EIF3B: variants seen among roughly 807,000 people sequenced by gnomAD.
EIF3B encodes the protein eukaryotic translation initiation factor 3 subunit B.
In EIF3B, 10 loss-of-function variants were observed where a neutral mutation model predicts 104.6. That is an observed-to-expected ratio of 0.10 (90% confidence interval 0.06 to 0.16). The LOEUF (loss-of-function observed/expected upper bound fraction) is 0.16, where lower values mean the gene tolerates loss of function less well. EIF3B is among the 10% of genes least tolerant of loss of function. EIF3B has a pLI of 1.00. For synonymous variants in EIF3B, 542 were observed against 417.2 expected (o/e 1.30, Z -3.65); for missense variants, 1,014 against 1,087.9 (o/e 0.93, Z 0.96).
At chr7:2,362,180 G>A (rs1462801512) in intron 2 of EIF3B, among the ~76,000 whole-genome samples, 2 of 151,834 alleles carry the variant, frequency 1.3e-5, no homozygotes, top group African/African-American at 4.8e-5. Flanking sequence ...GGCTGGTCTC[G>A]AACTCCTGAC....
At chr7:2,358,176 C>T (rs1410775999) in intron 1 of EIF3B, among the ~76,000 whole-genome samples, 1 of 152,156 alleles carries the variant, frequency 6.6e-6, no homozygotes, top group Admixed American at 6.5e-5. Flanking sequence ...CTCTGCCTCC[C>T]CGCTTCAAGC....
rs1303353009 is a variant in EIF3B, at chr7:2,354,892, G to A, written c.-30G>A. 5.9e-5 allele frequency: 69 copies of A among 1,168,252 alleles called. No individual in the cohort carries two copies. The highest frequency in any genetic ancestry group is 7.1e-5 in the Non-Finnish European group (67 of 948,048). The allele number at this position is 1,168,252 out of a possible 1,614,324, so 72.4% of individuals were successfully genotyped here. ...GGAGAGTCGGAAGCGCGGCGGCCGC[G>A]GAGCCCTGCGAGTAGGCAGCGTTGG... On this transcript the variant is annotated 5_prime_UTR_variant, in exon 1 of 19. Coordinates refer to ENST00000360876, the MANE Select transcript of EIF3B (RefSeq NM_001037283.2).
At chr7:2,375,552 T>A in intron 14 of EIF3B, 25 bp downstream of exon 14, 5 of 1,613,804 alleles carry the variant, frequency 3.1e-6, no homozygotes, top group Non-Finnish European at 4.2e-6. Context: ...GGCATAGTTT[T>A]GACTGTGGAT....
At chr7:2,378,896 C>A (rs1483860878) in intron 16 of EIF3B, 130 bp downstream of exon 16, 2 of 888,916 alleles carry the variant, frequency 2.2e-6, no homozygotes, top group South Asian at 1.6e-5. Context: ...CTGTTCCCCC[C>A]CAGGAGGGAT....
At chr7:2,363,444 G>T (rs1779847411) in intron 4 of EIF3B, among the ~76,000 whole-genome samples, 188 bp from the exon 5 acceptor site, 1 of 152,106 alleles carries the variant, frequency 6.6e-6, no homozygotes, top group South Asian at 2.1e-4. Context: ...CTGGACTCCA[G>T]CCTGGGCAAC....
chr7:2,375,137 A>C, intron 13 of EIF3B: 1 of 507,540 alleles, frequency 2.0e-6, no homozygotes, highest in Non-Finnish European at 3.5e-6. Flanking sequence ...GTATTTTTGG[A>C]GGCTTACTTA....
chr7:2,378,429 C>G (rs1473509335), intron 15 of EIF3B: 1 of 262,256 alleles, frequency 3.8e-6, no homozygotes, highest in Admixed American at 6.3e-5. Flanking sequence ...GAGGAAGGAG[C>G]AGGCGCGAGC....
At chr7:2,379,333 G>T in intron 17 of EIF3B, 61 bp from the exon 18 acceptor site, 1 of 1,553,418 alleles carries the variant, frequency 6.4e-7, no homozygotes, top group Non-Finnish European at 8.8e-7. Context: ...CTTCCCACTG[G>T]CCTCGGCGGT....
chr7:2,374,858 CG>C, intron 13 of EIF3B: 2 of 393,354 alleles, frequency 5.1e-6, no homozygotes, highest in Non-Finnish European at 9.1e-6. Context: ...GACCTGTCTG[CG>C]GGTTGTGGTT....
At chr7:2,357,824 C>T (rs1229887796) in intron 1 of EIF3B, among the ~76,000 whole-genome samples, 1 of 152,156 alleles carries the variant, frequency 6.6e-6, no homozygotes, top group Non-Finnish European at 1.5e-5. Context: ...CTAGACTAGA[C>T]GCTTTGAGCT....
intron 2 of EIF3B, among the ~76,000 whole-genome samples, chr7:2,361,943 G>T (rs2115291257): frequency 7.0e-6 from 1 of 142,972 alleles, no homozygotes; most frequent in Non-Finnish European, 1.5e-5. Flanking sequence ...CGCCTGGCTT[G>T]CTTGCTTGCT....
At chr7:2,367,126 A>T in intron 9 of EIF3B, 81 bp downstream of exon 9, 1 of 1,263,852 alleles carries the variant, frequency 7.9e-7, no homozygotes, top group East Asian at 2.4e-5. Flanking sequence ...AAAACACAAT[A>T]CCATAGGCTG....
At chr7:2,357,584 C>G (rs879429760) in intron 1 of EIF3B, among the ~76,000 whole-genome samples, 1 of 152,216 alleles carries the variant, frequency 6.6e-6, no homozygotes, top group African/African-American at 2.4e-5. Context: ...TTTAATGTTT[C>G]AGCTGATCCA....
At chr7:2,362,311 G>C (rs1195540077) in intron 2 of EIF3B, among the ~76,000 whole-genome samples, 2 of 152,128 alleles carry the variant, frequency 1.3e-5, no homozygotes, top group Non-Finnish European at 1.5e-5. Flanking sequence ...CAGTAAATCT[G>C]CATAGTTTTA....
At position 2,360,806 on chromosome 7, in the gene EIF3B, G is replaced by T; in HGVS notation, c.596G>T (p.Arg199Leu). ...AATGTCCCTCAGGTGGGACCCGACC[G>T]ACTTGAGAAACTCAAAAATGTCATC... ...VDNVPQVGPD[R>L]LEKLKNVIHK... The change falls in exon 2 of 19, where the codon CGA (arginine) becomes CTA (leucine). Residue 199 changes from arginine to leucine, a missense_variant. Coordinates refer to ENST00000360876, the MANE Select transcript of EIF3B (RefSeq NM_001037283.2). 6.2e-7 allele frequency: 1 copy of T among 1,613,792 alleles called. No homozygotes were observed.
chr7:2,376,875 G>T (rs1454805514), intron 14 of EIF3B, 75 bp from the exon 15 acceptor site: 13 of 1,557,262 alleles, frequency 8.3e-6, no homozygotes, highest in African/African-American at 1.4e-5. Flanking sequence ...CCAGGACCTT[G>T]TTCAGCAAGT....
chr7:2,371,909 C>T, intron 11 of EIF3B, 60 bp downstream of exon 11: 4 of 1,338,768 alleles, frequency 3.0e-6, no homozygotes, highest in Non-Finnish European at 3.2e-6. Context: ...TTACTCTTGG[C>T]TTTAACACTT....
At chr7:2,379,581 T>G in intron 18 of EIF3B, 70 bp downstream of exon 18, 2 of 986,722 alleles carry the variant, frequency 2.0e-6, no homozygotes, top group Admixed American at 4.1e-5. Flanking sequence ...TCCCCGTCAC[T>G]GAGGAAGCAC....
At chr7:2,373,566 AG>A (rs1387328149) in intron 12 of EIF3B, 1 of 152,126 alleles carries the variant, frequency 6.6e-6, no homozygotes, top group Non-Finnish European at 1.5e-5. Flanking sequence ...TGAGGAGTTT[AG>A]TTTTCACTTT....
Sources: gnomAD v4.1 joint callset for allele counts (sites outside exome capture counted in the v4.1 genomes callset) on GRCh38, gnomAD v4.1.1 for gene constraint, MANE v1.5 for transcripts, NCBI Gene and HGNC (gene_info 2026-07-23, HGNC 2026-07-21) for gene names.